The following UGT2B4 variants were observed in gnomAD, a reference collection of about 807,000 sequenced individuals.
UGT2B4 encodes the protein UDP glucuronosyltransferase family 2 member B4, also known as UDP-glucuronosyltransferase 2B4.
A neutral mutation model predicts 49.8 loss-of-function variants in UGT2B4; 49 were observed. That is an observed-to-expected ratio of 0.98 (90% confidence interval 0.78 to 1.25). The LOEUF (loss-of-function observed/expected upper bound fraction) is 1.25, where lower values mean the gene tolerates loss of function less well. Among genes scored for constraint, UGT2B4 ranks in the 50% most tolerant of loss-of-function variants. The probability of loss-of-function intolerance (pLI) is 0.00; values close to 1 mark genes in which losing one functional copy is unlikely to be tolerated. For missense variants in UGT2B4, 729 were observed against 627.7 expected (o/e 1.16, Z -1.73); for synonymous variants, 246 against 217.7 (o/e 1.13, Z -1.14).
Position 69,489,573 on chromosome 4 carries a change from G to A in UGT2B4, c.871-3C>T. ...CTCTGGACAAACTCTTCCATTTCCT[G>A]TGAAAAAAAAGAATTTGTTCTATCA... On this transcript the variant is annotated splice_polypyrimidine_tract_variant and splice_region_variant and intron_variant, in intron 2 of 5. Transcript: ENST00000305107. The A allele has an allele frequency of 6.3e-7, 1 of 1,597,604 alleles. No homozygotes were observed. The highest frequency in any genetic ancestry group is 1.1e-5 in the South Asian group (1 of 88,738).
At chr4:69,503,086 A>G (rs1433475855) in intron 1 of UGT2B4, among the ~76,000 whole-genome samples, 5 of 152,224 alleles carry the variant, frequency 3.3e-5, no homozygotes, top group Admixed American at 6.5e-5. Flanking sequence ...GTGACCATCA[A>G]AGGCCATCTC....
chr4:69,506,463 A>T (rs2109824626), intron 1 of UGT2B4, among the ~76,000 whole-genome samples: 1 of 152,256 alleles, frequency 6.6e-6, no homozygotes, highest in South Asian at 2.1e-4. Flanking sequence ...ATGCACAAGA[A>T]CTACAAAATG....
At chr4:69,487,340 A>C (rs905795205) in intron 3 of UGT2B4, among the ~76,000 whole-genome samples, 1 of 152,230 alleles carries the variant, frequency 6.6e-6, no homozygotes, top group African/African-American at 2.4e-5. Context: ...CATGAAATCA[A>C]TCTAAATGCC....
chr4:69,501,663 C>A lies in UGT2B4; in HGVS notation c.-105-5697G>T, dbSNP rs113109933. 6.6e-5 allele frequency among the ~76,000 whole-genome samples: 10 copies of A among 152,168 alleles called. 1 individual carries two copies. The highest frequency in any genetic ancestry group is 2.4e-4 in the African/African-American group (10 of 41,512). Reference sequence around the variant, plus strand: ...GATTTTGGGTACCGCCACTGGTGTTCCTTAGCTGACAGAGTTTTCAGGTAT... The same window carrying A: ...GATTTTGGGTACCGCCACTGGTGTTACTTAGCTGACAGAGTTTTCAGGTAT... On this transcript the variant is annotated intron_variant, in intron 1 of 1. Coordinates refer to the UGT2B4 transcript ENST00000510114.
chr4:69,492,301 C>G (rs1728011383), intron 2 of UGT2B4, among the ~76,000 whole-genome samples: 2 of 152,016 alleles, frequency 1.3e-5, no homozygotes. Context: ...ATGTAAACCT[C>G]TGGGATCTCA....
chr4:69,486,797 T>A, intron 3 of UGT2B4, 101 bp from the exon 4 acceptor site: 1 of 869,554 alleles, frequency 1.2e-6, no homozygotes, highest in Non-Finnish European at 1.8e-6. Context: ...CAAGGGATGT[T>A]AAGTAACAAG....
intron 1 of UGT2B4, among the ~76,000 whole-genome samples, chr4:69,516,345 C>G (rs968501498): frequency 1.3e-5 from 2 of 152,160 alleles, no homozygotes; most frequent in African/African-American, 4.8e-5. Flanking sequence ...TGGGTATATA[C>G]CCAGTAATGG....
At chr4:69,486,445 C>T (rs574462723) in intron 4 of UGT2B4, 164 bp downstream of exon 4, 162 of 228,976 alleles carry the variant, frequency 7.1e-4, no homozygotes, top group Non-Finnish European at 1.1e-3. Flanking sequence ...AAAATGCCAA[C>T]AATTTATTCT....
At position 69,489,578 on chromosome 4, in the gene UGT2B4, A is replaced by G. The variant is rs1220654850; in HGVS notation, c.871-8T>C. The G allele has an allele frequency of 6.2e-7, 1 of 1,601,436 alleles. No individual in the cohort carries two copies. Among genetic ancestry groups the G allele is most frequent in the Non-Finnish European group, 8.5e-7 (1 of 1,175,304 alleles). ...GACAAACTCTTCCATTTCCTGTGAA[A>G]AAAAAGAATTTGTTCTATCATAATA... On this transcript the variant is annotated splice_polypyrimidine_tract_variant and splice_region_variant and intron_variant, in intron 2 of 5. Coordinates refer to ENST00000305107, the MANE Select transcript of UGT2B4 (RefSeq NM_021139.3).
chr4:69,495,445 T>A lies in UGT2B4; in HGVS notation c.417A>T (p.Lys139Asn). Residue 139 changes from lysine to asparagine, a missense_variant, in exon 1 of 6, where the codon AAA becomes AAT. Lys to Asn is a moderately conservative substitution (Grantham distance 94, BLOSUM62 0). Coordinates refer to ENST00000305107, the MANE Select transcript of UGT2B4 (RefSeq NM_021139.3). ...CAACATCAAATCTTGACTCCTGTAGTTTCTTCATAAGTTTCTTATTTGAAA... is the reference window on the plus strand; with the variant it reads ...CAACATCAAATCTTGACTCCTGTAGATTCTTCATAAGTTTCTTATTTGAAA... ...DIVSNKKLMKKLQESRFDVVL... is the reference protein window; with the variant it reads ...DIVSNKKLMKNLQESRFDVVL... 1 of 1,613,674 alleles carries A rather than the reference T, an allele frequency of 6.2e-7. No individual in the cohort carries two copies. The highest frequency in any genetic ancestry group is 1.3e-5 in the African/African-American group (1 of 75,046).
chr4:69,501,804 T>A (rs943983649), intron 1 of UGT2B4, among the ~76,000 whole-genome samples: 4 of 151,912 alleles, frequency 2.6e-5, no homozygotes, highest in African/African-American at 9.7e-5. Flanking sequence ...GGCTGATATG[T>A]ACCCCCAGCA....
rs144933258 is a variant in UGT2B4 at position 69,505,180 on chromosome 4, A to G, written c.-105-9214T>C. ...ACCACATACACAAGTCTACAAAATA[A>G]CCAGCTAACATCATGATGGCAGGAT... On this transcript the variant is annotated intron_variant, in intron 1 of 1. Transcript: ENST00000510114. 4.5e-4 allele frequency among the ~76,000 whole-genome samples: 69 copies of G among 152,288 alleles called. No homozygotes were observed. The East Asian group carries it at 0.011, about 25-fold the overall frequency.
chr4:69,496,219 G>A (rs1483048084), upstream of UGT2B4, among the ~76,000 whole-genome samples: 1 of 151,230 alleles, frequency 6.6e-6, no homozygotes, highest in African/African-American at 2.4e-5. Context: ...TAGAGATGGG[G>A]TTTCACTGTA....
At chr4:69,520,460 C>G in intron 1 of UGT2B4, among the ~76,000 whole-genome samples, 1 of 152,120 alleles carries the variant, frequency 6.6e-6, no homozygotes, top group East Asian at 1.9e-4. Context: ...CTGCAGCTGC[C>G]CAGCTGTGGC....
chr4:69,519,594 C>G (rs1438138729), intron 1 of UGT2B4, among the ~76,000 whole-genome samples: 1 of 152,166 alleles, frequency 6.6e-6, no homozygotes, highest in Non-Finnish European at 1.5e-5. Context: ...ACCTGCCTCC[C>G]GTTTTATTCC....
intron 1 of UGT2B4, among the ~76,000 whole-genome samples, chr4:69,507,048 T>A (rs1728491137): frequency 1.3e-5 from 2 of 152,180 alleles, no homozygotes; most frequent in Admixed American, 1.3e-4. Flanking sequence ...AAACTCTTTA[T>A]AAGCTAGGTA....
At chr4:69,507,975 T>A (rs1594587) in intron 1 of UGT2B4, among the ~76,000 whole-genome samples, 145,042 of 152,280 alleles carry the variant, frequency 0.95, 69,486 homozygotes, top group East Asian at 1. Flanking sequence ...AAAATCTAAC[T>A]TTCATCATCT....
upstream of UGT2B4, among the ~76,000 whole-genome samples, chr4:69,500,086 T>C (rs1728261239): frequency 6.6e-6 from 1 of 152,118 alleles, no homozygotes; most frequent in Non-Finnish European, 1.5e-5. Context: ...TGAGATCATG[T>C]CCATTGCAGG....
At chr4:69,493,924 G>A in intron 1 of UGT2B4, 83 bp from the exon 2 acceptor site, 4 of 1,461,534 alleles carry the variant, frequency 2.7e-6, no homozygotes, top group Non-Finnish European at 2.7e-6. Context: ...AGAATAATGT[G>A]GGCAAAAATG....
Sources: gnomAD v4.1 joint callset for allele counts (sites outside exome capture counted in the v4.1 genomes callset) on GRCh38, gnomAD v4.1.1 for gene constraint, MANE v1.5 for transcripts, NCBI Gene and HGNC (gene_info 2026-07-23, HGNC 2026-07-21) for gene names.